Variants in CCBE1 observed in about 807,000 individuals in gnomAD.
The protein encoded by CCBE1 is collagen and calcium binding EGF domains 1.
In CCBE1, 37 loss-of-function variants were observed where a neutral mutation model predicts 50.0. The ratio of observed to expected loss-of-function variants is 0.74; its 90% confidence interval spans 0.57 to 0.97. The LOEUF is 0.97. Among genes scored for constraint, CCBE1 ranks in the 50% least tolerant of loss-of-function variants. The probability of loss-of-function intolerance (pLI) is 0.00; values close to 1 mark genes in which losing one functional copy is unlikely to be tolerated. For missense variants in CCBE1, 538 were observed against 523.8 expected, an observed-to-expected ratio of 1.03 and a Z score of -0.26; for synonymous variants, 234 against 203.7, an observed-to-expected ratio of 1.15 and a Z score of -1.27.
intron 2 of CCBE1, among the ~76,000 whole-genome samples, chr18:59,520,553 A>G (rs77078349): frequency 2.0e-5 from 3 of 152,372 alleles, no homozygotes; most frequent in Non-Finnish European, 4.4e-5. Context: ...TTTTCAAATG[A>G]ATGTCAAGGT....
intron 10 of CCBE1, among the ~76,000 whole-genome samples, chr18:59,437,678 G>C (rs1910220957): frequency 7.9e-6 from 1 of 127,170 alleles, no homozygotes; most frequent in South Asian, 2.8e-4. Flanking sequence ...AAACAGCCCT[G>C]CGTGGTTTTG....
At chr18:59,470,119 A>G (rs900021573) in intron 3 of CCBE1, among the ~76,000 whole-genome samples, 3 of 152,124 alleles carry the variant, frequency 2.0e-5, no homozygotes, top group Admixed American at 6.5e-5. Flanking sequence ...ATACAGACAT[A>G]CCTGAGACTG....
intron 2 of CCBE1, among the ~76,000 whole-genome samples, chr18:59,648,783 G>A (rs1184332311): frequency 6.6e-6 from 1 of 152,216 alleles, no homozygotes; most frequent in African/African-American, 2.4e-5. Flanking sequence ...CTAGTGATGG[G>A]TGCAGCCTGC....
intron 2 of CCBE1, among the ~76,000 whole-genome samples, chr18:59,546,360 A>G (rs1412108244): frequency 6.6e-6 from 1 of 152,176 alleles, no homozygotes. Flanking sequence ...ATCACCTCCT[A>G]CATTGGCTCT....
chr18:59,697,291 T>A lies in CCBE1; in HGVS notation c.52A>T (p.Arg18Trp). The A allele has an allele frequency of 6.5e-7, 1 of 1,549,142 alleles. No homozygotes were observed. The highest frequency in any genetic ancestry group is 8.7e-7 in the Non-Finnish European group (1 of 1,146,820). ...AGCAGCAGCAGCGGACCCAGGCTCCTGCCCAGCTGGCCCCTGGCAGCTCCT... is the reference window on the plus strand; with the variant it reads ...AGCAGCAGCAGCGGACCCAGGCTCCAGCCCAGCTGGCCCCTGGCAGCTCCT... ...RGGAARGQLG[R>W]SLGPLLLLLA... The change falls in exon 1 of 11, where the codon AGG becomes TGG. Residue 18 changes from arginine (R) to tryptophan (W), a missense_variant. Coordinates refer to ENST00000439986, the MANE Select transcript of CCBE1 (RefSeq NM_133459.4).
intron 2 of CCBE1, among the ~76,000 whole-genome samples, chr18:59,522,041 C>A (rs959204802): frequency 2.0e-5 from 3 of 151,264 alleles, no homozygotes; most frequent in Admixed American, 6.6e-5. Flanking sequence ...AATTATAAAT[C>A]TTTTCTATTA....
In CCBE1 at chr18:59,691,562, T is replaced by C. The variant is rs141897849; in HGVS notation, c.212+5067A>G. ...CTGAGACTATAGGCGTGTGCCACCA[T>C]GCCCAGCTAATTTTTGTACTTTTAG... On this transcript the variant is annotated intron_variant, in intron 2 of 10. Transcript: ENST00000439986. 6.9e-3 allele frequency among the ~76,000 whole-genome samples: 1,052 copies of C among 152,278 alleles called. 8 individuals carry two copies. Among genetic ancestry groups the C allele is most frequent in the African/African-American group, 0.024 (992 of 41,562 alleles).
In CCBE1 at chr18:59,664,211, G is replaced by A. The variant is rs1439790931; in HGVS notation, c.212+32418C>T. On this transcript the variant is annotated intron_variant, in intron 2 of 10. Coordinates refer to ENST00000439986, the MANE Select transcript of CCBE1 (RefSeq NM_133459.4). Reference sequence around the variant, plus strand: ...ATAAGGGCACAAATCCCATTCATTAGGGCTCCACCCTGATGACCTAATCAC... The same window carrying A: ...ATAAGGGCACAAATCCCATTCATTAAGGCTCCACCCTGATGACCTAATCAC... Among the ~76,000 whole-genome samples the A allele has an allele frequency of 2.0e-5, 3 of 152,032 alleles. 1 individual carries two copies. The highest frequency in any genetic ancestry group is 4.4e-5 in the Non-Finnish European group (3 of 68,014).
chr18:59,650,995 T>C (rs892956831), intron 2 of CCBE1, among the ~76,000 whole-genome samples: 2 of 151,932 alleles, frequency 1.3e-5, no homozygotes, highest in African/African-American at 4.8e-5. Context: ...CACTTAGGGG[T>C]CAAGGTAAAT....
intron 2 of CCBE1, among the ~76,000 whole-genome samples, chr18:59,490,156 T>C (rs1373046794): frequency 2.6e-5 from 4 of 152,168 alleles, no homozygotes; most frequent in African/African-American, 9.6e-5. Context: ...GCTAATTTTT[T>C]GTATTTTTAG....
chr18:59,569,821 G>A (rs1466090262), intron 2 of CCBE1, among the ~76,000 whole-genome samples: 1 of 152,138 alleles, frequency 6.6e-6, no homozygotes, highest in South Asian at 2.1e-4. Flanking sequence ...TGTAGAGATG[G>A]AGTCTTGCTC....
chr18:59,527,885 G>A (rs1224068663), intron 2 of CCBE1, among the ~76,000 whole-genome samples: 1 of 152,186 alleles, frequency 6.6e-6, no homozygotes, highest in Non-Finnish European at 1.5e-5. Flanking sequence ...AGGTGACCTA[G>A]TGTTTCTCTC....
At chr18:59,578,850 A>G (rs1224929293) in intron 2 of CCBE1, among the ~76,000 whole-genome samples, 4 of 152,208 alleles carry the variant, frequency 2.6e-5, no homozygotes, top group Admixed American at 1.3e-4. Flanking sequence ...CCTAATGTAG[A>G]TGACAGGTTG....
rs200121107 is a variant in CCBE1 at position 59,513,324 on chromosome 18, A to AAC, written c.213-33087_213-33086insGT. 4.8e-3 allele frequency among the ~76,000 whole-genome samples: 732 copies of AAC among 151,514 alleles called. 3 individuals carry two copies. Among genetic ancestry groups the AAC allele is most frequent in the African/African-American group, 0.016 (667 of 41,236 alleles). On this transcript the variant is annotated intron_variant, in intron 2 of 10. Transcript: ENST00000439986. ...GTCTCAAAAAAACAAAACAAAACAA[A>AAC]AAAATTCAAGAAAGGGCACAGGTGC...
At chr18:59,593,315 C>T (rs2053301753) in intron 2 of CCBE1, among the ~76,000 whole-genome samples, 2 of 152,160 alleles carry the variant, frequency 1.3e-5, no homozygotes, top group Admixed American at 6.5e-5. Flanking sequence ...TTCTTGCCAC[C>T]CAGGACAATT....
chr18:59,648,403 T>C (rs2054083801), intron 2 of CCBE1, among the ~76,000 whole-genome samples: 1 of 152,104 alleles, frequency 6.6e-6, no homozygotes, highest in South Asian at 2.1e-4. Context: ...AGCTGATGAG[T>C]TTGTAAACAC....
intron 2 of CCBE1, among the ~76,000 whole-genome samples, chr18:59,672,099 A>G (rs2054440094): frequency 6.6e-6 from 1 of 152,196 alleles, no homozygotes; most frequent in South Asian, 2.1e-4. Flanking sequence ...CAGGCTCTAA[A>G]CTATTATGAA....
At chr18:59,600,986 A>T (rs2053420466) in intron 2 of CCBE1, among the ~76,000 whole-genome samples, 1 of 107,478 alleles carries the variant, frequency 9.3e-6, no homozygotes, top group Non-Finnish European at 2.0e-5. Context: ...ATGGATAGGG[A>T]TCTATTTTAT....
At chr18:59,512,155 T>C (rs1252600062) in intron 2 of CCBE1, among the ~76,000 whole-genome samples, 1 of 152,200 alleles carries the variant, frequency 6.6e-6, no homozygotes, top group East Asian at 1.9e-4. Flanking sequence ...GTGTGGTCCC[T>C]TTAAATGATA....
Sources: allele counts gnomAD v4.1 joint callset (sites outside exome capture counted in the v4.1 genomes callset), GRCh38; gene constraint gnomAD v4.1.1; transcripts MANE v1.5; gene names NCBI Gene and HGNC (gene_info 2026-07-23, HGNC 2026-07-21).